AQR: variants seen among roughly 807,000 people sequenced by gnomAD.
AQR encodes the protein RNA helicase aquarius.
AQR carries 61 observed loss-of-function variants against 180.5 expected under a neutral mutation model. The observed-to-expected ratio is 0.34, with a 90% CI of 0.28 to 0.42. The LOEUF is 0.42. AQR is among the 10% of genes least tolerant of loss of function. The probability of loss-of-function intolerance (pLI) is 1.00; values close to 1 mark genes in which losing one functional copy is unlikely to be tolerated. For synonymous variants in AQR, 551 were observed against 588.8 expected (o/e 0.94, Z 0.93); for missense variants, 1,281 against 1,798.3 (o/e 0.71, Z 5.20).
At chr15:34,897,531 T>C (rs572208538) in intron 21 of AQR, 28 bp downstream of exon 21, 49 of 1,609,644 alleles carry the variant, frequency 3.0e-5, no homozygotes, top group Non-Finnish European at 4.0e-5. Flanking sequence ...TTGTTCATCA[T>C]TACAATTATA....
intron 1 of AQR, among the ~76,000 whole-genome samples, chr15:34,964,816 G>C (rs1051742088): frequency 6.6e-6 from 1 of 151,778 alleles, no homozygotes. Flanking sequence ...ATAAGAGCTG[G>C]CATATTTCAG....
chr15:34,878,379 C>T (rs1461506814), intron 27 of AQR, among the ~76,000 whole-genome samples: 1 of 101,480 alleles, frequency 9.9e-6, no homozygotes, highest in Non-Finnish European at 1.8e-5. Flanking sequence ...GAATGAGACT[C>T]TGTCTCAAAA....
chr15:34,890,839 A>C (rs544819010), intron 23 of AQR, among the ~76,000 whole-genome samples: 3 of 152,228 alleles, frequency 2.0e-5, no homozygotes, highest in African/African-American at 7.2e-5. Context: ...CATTTATTGC[A>C]AACTATTCTG....
At chr15:34,862,759 G>A in intron 33 of AQR, 108 bp downstream of exon 33, 1 of 1,199,224 alleles carries the variant, frequency 8.3e-7, no homozygotes. Flanking sequence ...CTAAAACAGG[G>A]ACTAAATTAT....
At chr15:34,944,841 A>ATAT (rs2140498882) in intron 5 of AQR, among the ~76,000 whole-genome samples, 1 of 152,310 alleles carries the variant, frequency 6.6e-6, no homozygotes, top group Admixed American at 6.5e-5. Flanking sequence ...CTCCTGCTTT[A>ATAT]TATTAGCTCT....
At chr15:34,905,858 G>C (rs1893404981) in intron 18 of AQR, among the ~76,000 whole-genome samples, 1 of 152,052 alleles carries the variant, frequency 6.6e-6, no homozygotes, top group South Asian at 2.1e-4. Context: ...CCAACATGGT[G>C]AAACTCTGTC....
At chr15:34,926,591 G>T (rs1233395691) in intron 13 of AQR, among the ~76,000 whole-genome samples, 3 of 152,160 alleles carry the variant, frequency 2.0e-5, no homozygotes, top group Admixed American at 1.3e-4. Context: ...GTAAATAAAT[G>T]TATGCCATTA....
intron 17 of AQR, among the ~76,000 whole-genome samples, chr15:34,909,386 G>C (rs1273979047): frequency 6.6e-6 from 1 of 152,172 alleles, no homozygotes; most frequent in Non-Finnish European, 1.5e-5. Context: ...ATTGGACTTA[G>C]TAATTTTGAA....
chr15:34,873,825 T>C lies in AQR; in HGVS notation c.3597+3A>G, dbSNP rs376967251. ...AACTTATAAGCTTCCTATTTTTTCT[T>C]ACCTGATAGAAGTAAGGATTAGGTT... On this transcript the variant is annotated splice_donor_region_variant and intron_variant, in intron 30 of 34. Coordinates refer to ENST00000156471, the MANE Select transcript of AQR (RefSeq NM_014691.3). The C allele has an allele frequency of 2.8e-5, 43 of 1,553,668 alleles. No individual in the cohort carries two copies. The highest frequency in any genetic ancestry group is 4.1e-5 in the African/African-American group (3 of 72,490).
intron 17 of AQR, 45 bp downstream of exon 17, chr15:34,910,090 A>G: frequency 6.3e-7 from 1 of 1,599,588 alleles, no homozygotes; most frequent in Non-Finnish European, 8.6e-7. Flanking sequence ...GTGAAAGTTC[A>G]TAACAAGGCA....
intron 23 of AQR, among the ~76,000 whole-genome samples, chr15:34,891,363 C>T (rs926598064): frequency 2.0e-5 from 3 of 151,916 alleles, no homozygotes; most frequent in Non-Finnish European, 4.4e-5. Flanking sequence ...CACTATAATC[C>T]CAGAAAAAAC....
intron 22 of AQR, among the ~76,000 whole-genome samples, chr15:34,895,220 ATG>A (rs1457831702): frequency 5.2e-4 from 55 of 106,604 alleles, no homozygotes; most frequent in African/African-American, 1.5e-3. Context: ...ATATATATAT[ATG>A]AAACAAATAA....
chr15:34,861,158 T>A (rs923169673), intron 33 of AQR, among the ~76,000 whole-genome samples: 7 of 152,198 alleles, frequency 4.6e-5, no homozygotes, highest in Non-Finnish European at 1.0e-4. Flanking sequence ...TGAAAAGTTA[T>A]TTAAAGAGCA....
At chr15:34,890,434 T>C in intron 23 of AQR, 110 bp from the exon 24 acceptor site, 1 of 826,440 alleles carries the variant, frequency 1.2e-6, no homozygotes, top group Non-Finnish European at 1.9e-6. Context: ...TATTAGGCCA[T>C]TTATAATTTA....
intron 16 of AQR, among the ~76,000 whole-genome samples, chr15:34,913,512 A>G (rs113805836): frequency 6.2e-4 from 95 of 152,314 alleles, no homozygotes; most frequent in African/African-American, 1.7e-3. Flanking sequence ...TATTATTACC[A>G]GTGTGAATGA....
chr15:34,907,083 A>G (rs945589690), intron 17 of AQR, among the ~76,000 whole-genome samples: 8 of 152,206 alleles, frequency 5.3e-5, no homozygotes, highest in African/African-American at 1.9e-4. Flanking sequence ...CATCTATAGC[A>G]TATTTAGCAG....
At chr15:34,863,779 T>A (rs1892704222) in intron 32 of AQR, among the ~76,000 whole-genome samples, 2 of 152,294 alleles carry the variant, frequency 1.3e-5, no homozygotes, top group South Asian at 2.1e-4. Context: ...CTAAGTTTTT[T>A]AAAAAAGGTT....
chr15:34,944,373 G>T lies in AQR; in HGVS notation c.386C>A (p.Ala129Glu), dbSNP rs199505122. 2 of 1,609,722 alleles carry T rather than the reference G, an allele frequency of 1.2e-6. No individual in the cohort carries two copies. Among genetic ancestry groups the T allele is most frequent in the African/African-American group, 2.7e-5 (2 of 74,684 alleles). Residue 129 changes from alanine to glutamate, a missense_variant, in exon 6 of 35, where the codon GCG (alanine) becomes GAG (glutamate). Ala to Glu is a moderately radical substitution (Grantham distance 107). Around this residue, in one of 9 missense-constraint regions of AQR, gnomAD observed 404 missense variants for 490.9 expected, o/e 0.82. Coordinates refer to ENST00000156471, the MANE Select transcript of AQR (RefSeq NM_014691.3). ...FPFFFKHILK[A>E]ALAETDGEFS... The stretch of plus-strand genomic sequence containing the variant: ...TTCACCATCAGTTTCAGCTAATGCC[G>T]CCTTCAAGATGTGTTTAAAAAAGAA...
Position 34,874,833 on chromosome 15 carries a change from C to T in AQR, c.3269G>A (p.Arg1090Gln), listed in dbSNP as rs1224701496. The T allele has an allele frequency of 6.2e-7, 1 of 1,613,512 alleles. No individual in the cohort carries two copies. The highest frequency in any genetic ancestry group is 1.3e-5 in the African/African-American group (1 of 74,844). Residue 1090 changes from arginine (R) to glutamine (Q), a missense_variant, in exon 29 of 35, where the codon CGA becomes CAA. Arg to Gln is a conservative substitution (Grantham distance 43, BLOSUM62 1). Transcript: ENST00000156471. ...GTGATGATCGCCAATCATAATCCAT[C>T]GTTTTAGTCGGCTAAATCCATCCTG... ...NPQDGFSRLK[R>Q]WIMIGDHHQL... is the part of the protein sequence containing the mutation.
Sources: gnomAD v4.1 joint callset for allele counts (sites outside exome capture counted in the v4.1 genomes callset) on GRCh38, gnomAD v4.1.1 for gene constraint, gnomAD v4.1.1 regional missense constraint, MANE v1.5 for transcripts, NCBI Gene and HGNC (gene_info 2026-07-23, HGNC 2026-07-21) for gene names.